Variants in ANXA11 observed in about 807,000 individuals in gnomAD.
The protein encoded by ANXA11 is annexin A11.
ANXA11 carries 57 observed loss-of-function variants against 64.7 expected under a neutral mutation model. The ratio of observed to expected loss-of-function variants is 0.88; its 90% confidence interval spans 0.71 to 1.10. The LOEUF is 1.10. Among genes scored for constraint, ANXA11 ranks in the 50% least tolerant of loss-of-function variants. The probability of loss-of-function intolerance (pLI) is 0.00; values close to 1 mark genes in which losing one functional copy is unlikely to be tolerated. For missense variants in ANXA11, 675 were observed against 670.7 expected, an observed-to-expected ratio of 1.01 and a Z score of -0.07; for synonymous variants, 260 against 265.2, an observed-to-expected ratio of 0.98 and a Z score of 0.19.
intron 1 of ANXA11, among the ~76,000 whole-genome samples, chr10:80,203,757 C>A (rs527462528): frequency 6.6e-6 from 1 of 152,204 alleles, no homozygotes; most frequent in East Asian, 1.9e-4. Context: ...AGCAGGCACC[C>A]GGATGGCTCC....
chr10:80,183,994 A>G (rs1006936704), intron 1 of ANXA11, among the ~76,000 whole-genome samples: 36 of 152,332 alleles, frequency 2.4e-4, no homozygotes, highest in African/African-American at 8.2e-4. Flanking sequence ...TCCATTAATC[A>G]CAGAGGCGGT....
intron 11 of ANXA11, among the ~76,000 whole-genome samples, chr10:80,163,042 T>C (rs1438286324): frequency 1.3e-5 from 2 of 152,148 alleles, no homozygotes; most frequent in Non-Finnish European, 2.9e-5. Flanking sequence ...TAATGCTATG[T>C]GCAACTAAAC....
rs760862261 is a variant in ANXA11 at position 80,164,044 on chromosome 10, C to G, written c.949+9G>C. The G allele has an allele frequency of 2.5e-6, 4 of 1,611,132 alleles. No homozygotes were observed. Among genetic ancestry groups the G allele is most frequent in the Middle Eastern group, 1.7e-4 (1 of 6,054 alleles). On this transcript the variant is annotated intron_variant, in intron 9 of 15. Coordinates refer to ENST00000422982, the MANE Select transcript of ANXA11 (RefSeq NM_145868.2). ...GGCAGAGGGCAGAGGGCAGAGGGAG[C>G]GGCCTCACCTGCTTTGTAGGCTCTG...
At chr10:80,169,434 A>T (rs1324133091) in intron 4 of ANXA11, 76 bp from the exon 5 acceptor site, 2 of 1,528,538 alleles carry the variant, frequency 1.3e-6, no homozygotes, top group East Asian at 2.3e-5. Context: ...TTCATACCTA[A>T]GCCAAGTCAG....
intron 1 of ANXA11, 95 bp downstream of exon 1, chr10:80,205,248 T>C (rs1055144228): frequency 2.7e-4 from 41 of 149,410 alleles, no homozygotes; most frequent in Admixed American, 2.0e-3. Flanking sequence ...CGCGCTGGGC[T>C]GGGCGCCAGG....
rs1342615649 is a variant in ANXA11, at chr10:80,169,020, G to T, written c.510C>A (p.Tyr170Ter). 1 of 1,548,384 alleles carries T rather than the reference G, an allele frequency of 6.5e-7. No homozygotes were observed. The highest frequency in any genetic ancestry group is 8.7e-7 in the Non-Finnish European group (1 of 1,153,240). ...CAGTCCCAGACCCCGGGTATCCTGG[G>T]TAGCTCGGCACTGGCTGCTGCTGCC... ...LPGQQQPVPS[Y>*]PGYPGSGTVT... The change falls in exon 5 of 16, where the codon TAC becomes TAA. Residue 170 changes from tyrosine (Y) to a stop codon, truncating the protein, a stop_gained. Coordinates refer to ENST00000422982, the MANE Select transcript of ANXA11 (RefSeq NM_145868.2). LOFTEE classifies it high-confidence loss of function.
At chr10:80,199,343 C>T (rs1318491740) in intron 1 of ANXA11, among the ~76,000 whole-genome samples, 2 of 152,076 alleles carry the variant, frequency 1.3e-5, no homozygotes, top group Non-Finnish European at 1.5e-5. Context: ...GTGATCTGCC[C>T]GCCTCGGCCT....
chr10:80,195,532 T>C (rs1473823729), intron 1 of ANXA11, among the ~76,000 whole-genome samples: 3 of 152,188 alleles, frequency 2.0e-5, no homozygotes, highest in African/African-American at 2.4e-5. Context: ...TGCATGTCCT[T>C]AGCCCAGCCC....
At chr10:80,194,527 G>T (rs533806209) in intron 1 of ANXA11, among the ~76,000 whole-genome samples, 4 of 152,170 alleles carry the variant, frequency 2.6e-5, no homozygotes, top group African/African-American at 7.2e-5. Flanking sequence ...GAAGAGTCGG[G>T]GGGGGAAGAC....
At position 80,159,152 on chromosome 10, in the gene ANXA11, C is replaced by T. The variant is rs74666141; in HGVS notation, c.1224G>A (p.Lys408=). The T allele has an allele frequency of 8.9e-4, 1,434 of 1,614,162 alleles. 7 individuals are homozygous for T. In the African/African-American group the frequency reaches 0.016, roughly 18 times the overall value. Residue 408 remains lysine (K), a synonymous_variant, in exon 13 of 16, where the codon AAG becomes AAA. Transcript: ENST00000422982. ...CCCCGGACATCTCCCGGCAGATGCTCTTCTCAATGTCCCGGCCTGTCATTC... is the reference window on the plus strand; with the variant it reads ...CCCCGGACATCTCCCGGCAGATGCTTTTCTCAATGTCCCGGCCTGTCATTC... ...YQRMTGRDIE[K]SICREMSGDL...
At chr10:80,190,829 G>A (rs1453122063) in intron 1 of ANXA11, among the ~76,000 whole-genome samples, 1 of 147,312 alleles carries the variant, frequency 6.8e-6, no homozygotes, top group Non-Finnish European at 1.5e-5. Context: ...GGTGGCTCAC[G>A]CCTGTAACCC....
At chr10:80,176,279 A>G (rs1427846032) in intron 1 of ANXA11, 124 bp from the exon 2 acceptor site, 1 of 152,204 alleles carries the variant, frequency 6.6e-6, no homozygotes, top group Non-Finnish European at 1.5e-5. Flanking sequence ...CTCTGTAGCT[A>G]TTTCTGGATT....
Position 80,169,154 on chromosome 10 carries a change from C to G in ANXA11, c.376G>C (p.Ala126Pro), listed in dbSNP as rs1329327327. Residue 126 changes from alanine to proline, a missense_variant, in exon 5 of 16, where the codon GCC (alanine) becomes CCC (proline). Coordinates refer to ENST00000422982, the MANE Select transcript of ANXA11 (RefSeq NM_145868.2). ...GGCATGGGCTGGCCCGGCACAGGGG[C>G]CCCTGGGTATGGCGGATATGAGGGC... ...RMPSYPPYPG[A>P]PVPGQPMPPP... 1 of 1,566,118 alleles carries G rather than the reference C, an allele frequency of 6.4e-7. No homozygotes were observed. Among genetic ancestry groups the G allele is most frequent in the East Asian group, 2.2e-5 (1 of 44,516 alleles).
intron 1 of ANXA11, among the ~76,000 whole-genome samples, chr10:80,191,873 C>A (rs1412632084): frequency 6.6e-6 from 1 of 152,192 alleles, no homozygotes; most frequent in Non-Finnish European, 1.5e-5. Context: ...TCAGTTCACT[C>A]CCACCGACCC....
At chr10:80,199,333 G>A (rs1485631554) in intron 1 of ANXA11, among the ~76,000 whole-genome samples, 2 of 152,200 alleles carry the variant, frequency 1.3e-5, no homozygotes, top group Admixed American at 6.5e-5. Flanking sequence ...TCCTGACCTC[G>A]TGATCTGCCC....
chr10:80,171,155 C>T, intron 3 of ANXA11: 1 of 1,417,596 alleles, frequency 7.1e-7, no homozygotes, highest in Non-Finnish European at 9.2e-7. Context: ...CAAACACTCC[C>T]AAGACCCTCT....
chr10:80,155,879 G>T lies in ANXA11; in HGVS notation c.1492C>A (p.Leu498Met). Residue 498 changes from leucine to methionine, a missense_variant, in exon 16 of 16, where the codon CTG becomes ATG. By Grantham distance (15) the Leu-to-Met change is conservative. Coordinates refer to ENST00000422982, the MANE Select transcript of ANXA11 (RefSeq NM_145868.2). The stretch of plus-strand genomic sequence containing the variant: ...CAGTCATTGCCACCACAGATCTTCA[G>T]CAGAATCTTCCGGTAATCCCCTGAA... ...DTSGDYRKIL[L>M]KICGGND The T allele has an allele frequency of 1.2e-6, 2 of 1,614,216 alleles. No homozygotes were observed. Among genetic ancestry groups the T allele is most frequent in the Non-Finnish European group, 1.7e-6 (2 of 1,180,030 alleles).
In ANXA11 at chr10:80,170,820, G is replaced by A. The variant is rs1329979856; in HGVS notation, c.151C>T (p.Gln51Ter). 2.0e-6 allele frequency: 3 copies of A among 1,491,126 alleles called. No homozygotes were observed. The highest frequency in any genetic ancestry group is 2.7e-6 in the Non-Finnish European group (3 of 1,120,696). 92.4% of individuals were successfully genotyped at this position (1,491,126 alleles called of 1,614,324 possible). A position where few individuals can be genotyped will look rare whatever the true frequency, so the allele number is the denominator to read the frequency against. ...CTCACCATTCCCGAGAGATAGTCCTGGTTGAACTGCCCCGCATAGGTGGCC... is the reference window on the plus strand; with the variant it reads ...CTCACCATTCCCGAGAGATAGTCCTAGTTGAACTGCCCCGCATAGGTGGCC... ...NVATYAGQFN[Q>*]DYLSGMAANM... Residue 51 changes from glutamine (Q) to a stop codon, truncating the protein, a stop_gained, in exon 4 of 16, where the codon CAG (glutamine) becomes TAG (stop). Transcript: ENST00000422982. LOFTEE classifies it high-confidence loss of function.
intron 1 of ANXA11, among the ~76,000 whole-genome samples, chr10:80,202,255 G>A (rs940950375): frequency 6.6e-6 from 1 of 152,086 alleles, no homozygotes; most frequent in Non-Finnish European, 1.5e-5. Flanking sequence ...ACCTAGCACA[G>A]AGAACTCTGT....
Sources: gnomAD v4.1 joint callset for allele counts (sites outside exome capture counted in the v4.1 genomes callset) on GRCh38, gnomAD v4.1.1 for gene constraint, MANE v1.5 for transcripts, NCBI Gene and HGNC (gene_info 2026-07-23, HGNC 2026-07-21) for gene names.